The following SPARCL1 variants were observed in gnomAD, a reference collection of about 807,000 sequenced individuals.
SPARCL1 encodes the protein SPARC-like protein 1.
A neutral mutation model predicts 67.1 loss-of-function variants in SPARCL1; 52 were observed. That is an observed-to-expected ratio of 0.78 (90% CI 0.62 to 0.98). The LOEUF (loss-of-function observed/expected upper bound fraction) is 0.98, where lower values mean the gene tolerates loss of function less well. SPARCL1 is among the 50% of genes least tolerant of loss of function. The probability of loss-of-function intolerance (pLI) is 0.00; values close to 1 mark genes in which losing one functional copy is unlikely to be tolerated. For synonymous variants in SPARCL1, 226 were observed against 267.8 expected, an observed-to-expected ratio of 0.84 and a Z score of 1.52; for missense variants, 717 against 782.4, an observed-to-expected ratio of 0.92 and a Z score of 1.00.
intron 1 of SPARCL1, among the ~76,000 whole-genome samples, chr4:87,511,961 C>CTCTT (rs1268867700): frequency 8.2e-5 from 9 of 109,168 alleles, no homozygotes; most frequent in Non-Finnish European, 1.4e-4. Context: ...TTTCCTCTTT[C>CTCTT]TTTCTCTTTT....
chr4:87,521,265 C>T (rs1462359), intron 1 of SPARCL1, among the ~76,000 whole-genome samples: 59,499 of 152,010 alleles, frequency 0.39, 13,365 homozygotes, highest in East Asian at 0.6. Flanking sequence ...CAACTTAGCA[C>T]ACCTGCTCCC....
At chr4:87,523,234 C>T (rs1725898765) in intron 1 of SPARCL1, among the ~76,000 whole-genome samples, 1 of 145,492 alleles carries the variant, frequency 6.9e-6, no homozygotes, top group Non-Finnish European at 1.5e-5. Flanking sequence ...GCACTCCAGC[C>T]TGGGTGACAG....
rs534670383 is a variant in SPARCL1 at position 87,486,439 on chromosome 4, A to T, written c.1531+3834T>A. On this transcript the variant is annotated intron_variant, in intron 7 of 10. Coordinates refer to ENST00000282470, the MANE Select transcript of SPARCL1 (RefSeq NM_004684.6). ...CAGTGTGGTCTGAGAGACTGTTATG[A>T]TTTCCATTCTTTCACATCTGCTGAG... Among the ~76,000 whole-genome samples, 3 of 152,016 alleles carry T rather than the reference A, an allele frequency of 2.0e-5. No homozygotes were observed. In the South Asian group the frequency reaches 6.2e-4, roughly 32 times the overall value.
At chr4:87,481,631 C>T (rs992568594) in intron 8 of SPARCL1, among the ~76,000 whole-genome samples, 9 of 152,182 alleles carry the variant, frequency 5.9e-5, no homozygotes, top group African/African-American at 2.2e-4. Flanking sequence ...CAGCATCTGA[C>T]ACAGTTAATG....
intron 10 of SPARCL1, among the ~76,000 whole-genome samples, chr4:87,477,022 T>C (rs958784377): frequency 1.3e-4 from 20 of 152,254 alleles, no homozygotes; most frequent in Non-Finnish European, 1.5e-5. Flanking sequence ...TTTTTTCCTT[T>C]CTTCAAAATA....
At chr4:87,520,246 C>A (rs866659792) in intron 1 of SPARCL1, among the ~76,000 whole-genome samples, 1,302 of 104,872 alleles carry the variant, frequency 0.012, no homozygotes, top group Middle Eastern at 0.015. Flanking sequence ...GACACTGTCT[C>A]AAAAAAAAAA....
chr4:87,492,885 T>A (rs564327457), intron 4 of SPARCL1, among the ~76,000 whole-genome samples: 1 of 152,370 alleles, frequency 6.6e-6, no homozygotes, highest in East Asian at 1.9e-4. Context: ...TTTTGGTATG[T>A]GTTTGCTTAA....
chr4:87,485,314 T>G (rs1173296823), intron 7 of SPARCL1, among the ~76,000 whole-genome samples: 2 of 152,192 alleles, frequency 1.3e-5, no homozygotes, highest in African/African-American at 2.4e-5. Context: ...TCTGCATCTA[T>G]TGAGATAATC....
chr4:87,503,743 A>G (rs1240619690), intron 1 of SPARCL1, among the ~76,000 whole-genome samples: 3 of 148,730 alleles, frequency 2.0e-5, no homozygotes, highest in Admixed American at 1.4e-4. Context: ...CAATGGCGCA[A>G]TCTTGGTTCA....
intron 7 of SPARCL1, among the ~76,000 whole-genome samples, chr4:87,485,515 G>A (rs1365348224): frequency 6.9e-6 from 1 of 144,022 alleles, no homozygotes; most frequent in Non-Finnish European, 1.5e-5. Flanking sequence ...AGTGATATTG[G>A]CCTGAATTTT....
intron 1 of SPARCL1, among the ~76,000 whole-genome samples, chr4:87,509,401 T>G (rs1725254554): frequency 6.6e-6 from 1 of 152,212 alleles, no homozygotes; most frequent in African/African-American, 2.4e-5. Context: ...TTAACACTTC[T>G]GTTTGATATC....
rs762958955 is a variant in SPARCL1, at chr4:87,494,311, G to A, written c.489C>T (p.Asn163=). 22 of 1,613,912 alleles carry A rather than the reference G, an allele frequency of 1.4e-5. No homozygotes were observed. The East Asian group carries it at 4.7e-4, about 34-fold the overall frequency. ...GTGAATAATTTCTAGGTTGTTCTTG[G>A]TTTTCCTCTCTCTTTGTGATACTTT... ...QQESITKREE[N]QEQPRNYSHH... is the part of the protein sequence containing the mutation. Residue 163 remains asparagine, a synonymous_variant, in exon 4 of 11, where the codon AAC becomes AAT. Transcript: ENST00000282470.
intron 1 of SPARCL1, among the ~76,000 whole-genome samples, chr4:87,502,498 T>C (rs1724893331): frequency 6.6e-6 from 1 of 152,216 alleles, no homozygotes; most frequent in African/African-American, 2.4e-5. Context: ...TTCGCTTCCA[T>C]ATGAGTGAGA....
rs774768661 is a variant in SPARCL1 at position 87,495,004 on chromosome 4, T to C, written c.178A>G (p.Thr60Ala). 6.2e-7 allele frequency: 1 copy of C among 1,610,772 alleles called. No individual in the cohort carries two copies. The highest frequency in any genetic ancestry group is 8.5e-7 in the Non-Finnish European group (1 of 1,179,174). ...EENEKETAVSTEDDSHHKAEK... is the reference protein window; with the variant it reads ...EENEKETAVSAEDDSHHKAEK... ...ACCTTATGGTGGGAATCGTCTTCTG[T>C]GGATACTGCTGTTTCTTTTTCATTT... Residue 60 changes from threonine to alanine, a missense_variant, in exon 3 of 11, where the codon ACA (threonine) becomes GCA (alanine). Thr to Ala is a moderately conservative substitution (Grantham distance 58, BLOSUM62 0). Coordinates refer to ENST00000282470, the MANE Select transcript of SPARCL1 (RefSeq NM_004684.6).
intron 1 of SPARCL1, among the ~76,000 whole-genome samples, chr4:87,503,995 C>T (rs887443595): frequency 2.0e-4 from 31 of 151,978 alleles, no homozygotes; most frequent in South Asian, 4.2e-4. Context: ...GCATAGACTT[C>T]CTCATCATAT....
chr4:87,492,417 C>CAAAAAAA, intron 4 of SPARCL1, among the ~76,000 whole-genome samples: 1 of 75,240 alleles, frequency 1.3e-5, no homozygotes, highest in African/African-American at 3.5e-5. Flanking sequence ...GACTCCGTCT[C>CAAAAAAA]AAAAAAAAAA....
intron 1 of SPARCL1, among the ~76,000 whole-genome samples, chr4:87,508,847 G>A (rs1039742241): frequency 1.4e-4 from 19 of 137,096 alleles, no homozygotes; most frequent in South Asian, 9.6e-4. Flanking sequence ...ATGTAGATAC[G>A]TATATAGATA....
At chr4:87,496,285 A>G (rs1560820414) in intron 2 of SPARCL1, among the ~76,000 whole-genome samples, 1 of 152,110 alleles carries the variant, frequency 6.6e-6, no homozygotes, top group East Asian at 1.9e-4. Context: ...TTCAGTGATG[A>G]AGTCTCGGCT....
chr4:87,523,433 GT>G (rs1481294545), intron 1 of SPARCL1, among the ~76,000 whole-genome samples: 1 of 152,158 alleles, frequency 6.6e-6, no homozygotes, highest in African/African-American at 2.4e-5. Context: ...CACACTTACA[GT>G]TTCAAGTGGT....
Sources: allele counts gnomAD v4.1 joint callset (sites outside exome capture counted in the v4.1 genomes callset), GRCh38; gene constraint gnomAD v4.1.1; transcripts MANE v1.5; gene names NCBI Gene and HGNC (gene_info 2026-07-23, HGNC 2026-07-21).